The following SPATA22 variants were observed in gnomAD, a reference collection of about 807,000 sequenced individuals.
SPATA22 encodes spermatogenesis-associated protein 22.
In SPATA22, 29 loss-of-function variants were observed where a neutral mutation model predicts 47.8. The observed-to-expected ratio is 0.61, with a 90% CI of 0.45 to 0.83. The LOEUF (loss-of-function observed/expected upper bound fraction) is 0.83, where lower values mean the gene tolerates loss of function less well. Among genes scored for constraint, SPATA22 ranks in the 40% least tolerant of loss-of-function variants. The pLI, the probability that SPATA22 is intolerant of heterozygous loss-of-function variation, is 0.00. For synonymous variants in SPATA22, 133 were observed against 140.9 expected (o/e 0.94, Z 0.40); for missense variants, 410 against 421.7 (o/e 0.97, Z 0.24).
intron 3 of SPATA22, among the ~76,000 whole-genome samples, chr17:3,466,107 C>A (rs1174841390): frequency 6.6e-6 from 1 of 150,738 alleles, no homozygotes; most frequent in Non-Finnish European, 1.5e-5. Flanking sequence ...TCAAATATAT[C>A]TTTTATATAT....
At chr17:3,480,860 A>C (rs529224445) in intron 1 of SPATA22, among the ~76,000 whole-genome samples, 1 of 152,350 alleles carries the variant, frequency 6.6e-6, no homozygotes, top group South Asian at 2.1e-4. Context: ...GTCAGGTTAG[A>C]TCTCTTTCAT....
intron 1 of SPATA22, among the ~76,000 whole-genome samples, chr17:3,507,634 T>C (rs1450226553): frequency 6.6e-6 from 1 of 152,212 alleles, no homozygotes; most frequent in East Asian, 1.9e-4. Flanking sequence ...GGAGAAAGGA[T>C]TGTGAACTTC....
intron 1 of SPATA22, among the ~76,000 whole-genome samples, chr17:3,482,103 G>A (rs1316544196): frequency 6.6e-6 from 1 of 151,884 alleles, no homozygotes; most frequent in African/African-American, 2.4e-5. Context: ...CAGATGGTGG[G>A]GTATTTGTTA....
rs184790234 is a variant in SPATA22 at position 3,485,928 on chromosome 17, G to A, written c.-73-16530C>T. 4.4e-4 allele frequency among the ~76,000 whole-genome samples: 58 copies of A among 132,394 alleles called. No individual in the cohort carries two copies. The highest frequency in any genetic ancestry group is 1.5e-3 in the African/African-American group (58 of 38,466). 86.9% of individuals were successfully genotyped at this position (132,394 alleles called of 152,430 possible). A position where few individuals can be genotyped will look rare whatever the true frequency, so the allele number is the denominator to read the frequency against. On this transcript the variant is annotated intron_variant, in intron 1 of 8. Transcript: ENST00000541913. The surrounding 1 kb of genome is among the most constrained non-coding windows in gnomAD (Gnocchi z 4.4). Reference sequence around the variant, plus strand: ...CCATGCCAGTGGTTGCATTCTAGGAGGGAACCTTTTTTTTTTTTTTTGAGA... The same window carrying A: ...CCATGCCAGTGGTTGCATTCTAGGAAGGAACCTTTTTTTTTTTTTTTGAGA...
chr17:3,442,459 T>G (rs997690067), intron 8 of SPATA22, among the ~76,000 whole-genome samples: 2 of 151,978 alleles, frequency 1.3e-5, no homozygotes, highest in Non-Finnish European at 2.9e-5. Context: ...GGTCAAACTT[T>G]TACAAAGTTT....
chr17:3,502,132 G>T (rs1171379272), intron 1 of SPATA22: 16 of 152,176 alleles, frequency 1.1e-4, no homozygotes, highest in Non-Finnish European at 1.5e-5. Flanking sequence ...CCCTGATCAG[G>T]CAGCCATCAT....
intron 6 of SPATA22, among the ~76,000 whole-genome samples, chr17:3,448,350 G>A (rs910454975): frequency 2.6e-5 from 4 of 152,134 alleles, no homozygotes; most frequent in African/African-American, 9.7e-5. Context: ...ATTGCTTATG[G>A]CTGCTTCCAA....
chr17:3,505,156 T>G (rs1190637949), intron 1 of SPATA22, among the ~76,000 whole-genome samples: 2 of 150,998 alleles, frequency 1.3e-5, no homozygotes, highest in African/African-American at 2.4e-5. Flanking sequence ...ATGACGCTAC[T>G]CTTAAACATG....
chr17:3,476,783 C>G (rs1319802778), upstream of SPATA22, among the ~76,000 whole-genome samples: 1 of 152,176 alleles, frequency 6.6e-6, no homozygotes, highest in African/African-American at 2.4e-5. Flanking sequence ...TTAGGAAATT[C>G]ACTACGTTTT....
At chr17:3,493,453 C>CA (rs1389683559) in intron 1 of SPATA22, among the ~76,000 whole-genome samples, 1 of 146,344 alleles carries the variant, frequency 6.8e-6, no homozygotes, top group Non-Finnish European at 1.5e-5. Flanking sequence ...CCCAGCTACT[C>CA]AGGAGGCTGA....
In SPATA22 at chr17:3,440,271, T is replaced by C. The variant is rs199569296; in HGVS notation, c.968A>G (p.Lys323Arg). 5.0e-6 allele frequency: 8 copies of C among 1,611,046 alleles called. No homozygotes were observed. The East Asian group carries it at 1.6e-4, about 31-fold the overall frequency. Residue 323 changes from lysine to arginine, a missense_variant, in exon 9 of 9, where the codon AAG becomes AGG. Coordinates refer to ENST00000572969, the MANE Select transcript of SPATA22 (RefSeq NM_001170698.2). ...GACAGAAACACATTGGAAAATGTTC[T>C]TTTTCTGGTCATAGTTGCCAACACA... Reference protein sequence around the residue: ...HRCVGNYDQKKNIFQCVSVRP... With the variant: ...HRCVGNYDQKRNIFQCVSVRP...
At chr17:3,443,563 G>T (rs533290187) in intron 7 of SPATA22, among the ~76,000 whole-genome samples, 1 of 151,984 alleles carries the variant, frequency 6.6e-6, no homozygotes, top group African/African-American at 2.4e-5. Context: ...GTACAGAGTG[G>T]TTAAATCCCC....
intron 1 of SPATA22, chr17:3,500,962 T>A (rs1032243090): frequency 2.6e-5 from 4 of 151,732 alleles, no homozygotes; most frequent in African/African-American, 7.3e-5. Flanking sequence ...AAAAAAAAAA[T>A]TCCTTTCAAA....
chr17:3,440,171 A>G lies in SPATA22; in HGVS notation c.1068T>C (p.Tyr356=), dbSNP rs760447024. The change falls in exon 9 of 9, where the codon TAT becomes TAC. Residue 356 remains tyrosine, a synonymous_variant. Transcript: ENST00000572969. The stretch of plus-strand genomic sequence containing the variant: ...CTTAAGTTTCATTCATCACATTAAT[A>G]TAATACTGCATCTCAACATCTGCAA... ...VKIADVEMQY[Y]INVMNET 1 of 1,604,146 alleles carries G rather than the reference A, an allele frequency of 6.2e-7. No homozygotes were observed. Among genetic ancestry groups the G allele is most frequent in the Admixed American group, 1.7e-5 (1 of 58,008 alleles).
At position 3,499,045 on chromosome 17, in the gene SPATA22, A is replaced by G. The variant is rs890496947; in HGVS notation, c.-74+14367T>C. ...AAAGAAGCTTTTGCAAAGACAACTA[A>G]ACTAACGCTCAATGCAAAAAGTATT... On this transcript the variant is annotated intron_variant, in intron 1 of 8. Coordinates refer to the SPATA22 transcript ENST00000541913. 1.2e-6 allele frequency: 2 copies of G among 1,614,038 alleles called. No homozygotes were observed. The highest frequency in any genetic ancestry group is 1.7e-6 in the Non-Finnish European group (2 of 1,180,040).
chr17:3,499,231 T>C (rs939271414), intron 1 of SPATA22: 5 of 665,856 alleles, frequency 7.5e-6, no homozygotes, highest in Admixed American at 6.4e-5. Context: ...TAAGCACATT[T>C]CTTAAATTAA....
At chr17:3,457,023 A>G (rs1039303073) in intron 5 of SPATA22, among the ~76,000 whole-genome samples, 2 of 152,104 alleles carry the variant, frequency 1.3e-5, no homozygotes, top group African/African-American at 4.8e-5. Flanking sequence ...AACTCTCAAT[A>G]AATTAGGTAT....
chr17:3,443,193 G>A lies in SPATA22; in HGVS notation c.881C>T (p.Pro294Leu). 1.9e-6 allele frequency: 3 copies of A among 1,609,028 alleles called. No individual in the cohort carries two copies. The highest frequency in any genetic ancestry group is 2.5e-6 in the Non-Finnish European group (3 of 1,177,108). ...ACTCACGATTTCATAAAAGACACAAGGCAGAGTATTTTTCCCATCCCTCAT... is the reference window on the plus strand; with the variant it reads ...ACTCACGATTTCATAAAAGACACAAAGCAGAGTATTTTTCCCATCCCTCAT... ...FLMRDGKNTLPCVFYEIDREL... is the reference protein window; with the variant it reads ...FLMRDGKNTLLCVFYEIDREL... The change falls in exon 8 of 9, where the codon CCT becomes CTT. Residue 294 changes from proline (P) to leucine (L), a missense_variant. Pro to Leu is a moderately conservative substitution (Grantham distance 98). Transcript: ENST00000572969.
intron 1 of SPATA22, among the ~76,000 whole-genome samples, chr17:3,494,059 A>G (rs984685976): frequency 6.8e-5 from 10 of 146,546 alleles, no homozygotes; most frequent in African/African-American, 2.5e-4. Context: ...TTTTTGAGAC[A>G]GAGTTTCACT....
Sources: allele counts gnomAD v4.1 joint callset (sites outside exome capture counted in the v4.1 genomes callset), GRCh38; gene constraint gnomAD v4.1.1; non-coding constraint Gnocchi (gnomAD v3.1); transcripts MANE v1.5; gene names NCBI Gene and HGNC (gene_info 2026-07-23, HGNC 2026-07-21).